The following EDNRA variants were observed in gnomAD, a reference collection of about 807,000 sequenced individuals.
EDNRA encodes the protein endothelin receptor type A, also known as endothelin-1 receptor.
A neutral mutation model predicts 41.4 loss-of-function variants in EDNRA; 11 were observed. The ratio of observed to expected loss-of-function variants is 0.27; its 90% CI spans 0.17 to 0.44. The LOEUF (loss-of-function observed/expected upper bound fraction) is 0.44. Among genes scored for constraint, EDNRA ranks in the 20% least tolerant of loss-of-function variants. EDNRA has a pLI of 1.00. For synonymous variants in EDNRA, 172 were observed against 183.0 expected, an observed-to-expected ratio of 0.94 and a Z score of 0.49; for missense variants, 294 against 531.0, an observed-to-expected ratio of 0.55 and a Z score of 4.39.
chr4:147,506,229 G>A (rs1379619522), intron 2 of EDNRA: 2 of 518,730 alleles, frequency 3.9e-6, no homozygotes, highest in African/African-American at 1.9e-5. Context: ...TCATGATATT[G>A]GCCGAAAAGC....
intron 5 of EDNRA, among the ~76,000 whole-genome samples, chr4:147,538,319 C>G (rs557201000): frequency 1.1e-4 from 16 of 152,226 alleles, no homozygotes; most frequent in Admixed American, 7.2e-4. Flanking sequence ...AGTAGCTCTT[C>G]CGGAAACCCA....
intron 1 of EDNRA, among the ~76,000 whole-genome samples, chr4:147,483,401 T>C (rs1198841688): frequency 1.3e-5 from 2 of 152,178 alleles, no homozygotes; most frequent in African/African-American, 4.8e-5. Context: ...AATGGAGATA[T>C]TGCTCCTGCC....
At chr4:147,524,177 A>T (rs1207816549) in intron 3 of EDNRA, among the ~76,000 whole-genome samples, 1 of 151,582 alleles carries the variant, frequency 6.6e-6, no homozygotes, top group Admixed American at 6.6e-5. Context: ...AAAAAGTAGT[A>T]AGCTAGGAAA....
Position 147,485,707 on chromosome 4 carries a change from C to A in EDNRA, c.26C>A (p.Ser9Tyr), listed in dbSNP as rs752256111. The change falls in exon 2 of 8, where the codon TCC (serine) becomes TAC (tyrosine). Residue 9 changes from serine (S) to tyrosine (Y), a missense_variant. Ser to Tyr is a moderately radical substitution (Grantham distance 144, BLOSUM62 -2). Coordinates refer to ENST00000651419, the MANE Select transcript of EDNRA (RefSeq NM_001957.4). METLCLRA[S>Y]FWLALVGCVI... ...ATGGAAACCCTTTGCCTCAGGGCAT[C>A]CTTTTGGCTGGCACTGGTTGGATGT... 6.2e-7 allele frequency: 1 copy of A among 1,609,680 alleles called. No homozygotes were observed. Among genetic ancestry groups the A allele is most frequent in the Non-Finnish European group, 8.5e-7 (1 of 1,177,066 alleles).
chr4:147,520,544 G>T, intron 3 of EDNRA: 1 of 480,130 alleles, frequency 2.1e-6, no homozygotes, highest in Non-Finnish European at 4.2e-6. Flanking sequence ...ATTGTTAAGC[G>T]TTCTCTAAAG....
At chr4:147,498,493 T>C (rs1729392537) in intron 2 of EDNRA, among the ~76,000 whole-genome samples, 1 of 152,186 alleles carries the variant, frequency 6.6e-6, no homozygotes, top group South Asian at 2.1e-4. Context: ...GCCCACCACC[T>C]GTTTTTGTAA....
chr4:147,503,558 A>G (rs1245362382), intron 2 of EDNRA, among the ~76,000 whole-genome samples: 1 of 152,250 alleles, frequency 6.6e-6, no homozygotes, highest in African/African-American at 2.4e-5. Context: ...GTTGCAGTCG[A>G]TTAGAAATTG....
chr4:147,534,604 T>C (rs1336806186), intron 4 of EDNRA, among the ~76,000 whole-genome samples: 1 of 152,212 alleles, frequency 6.6e-6, no homozygotes, highest in Non-Finnish European at 1.5e-5. Context: ...ATAACACTTG[T>C]ATAATCTCAA....
intron 2 of EDNRA, among the ~76,000 whole-genome samples, chr4:147,508,807 G>T (rs1445282065): frequency 1.3e-5 from 2 of 152,094 alleles, no homozygotes; most frequent in Non-Finnish European, 2.9e-5. Context: ...AGTGACCTGT[G>T]TTCTATTGTT....
chr4:147,519,442 A>G lies in EDNRA; in HGVS notation c.421-409A>G, dbSNP rs1032916423. Among the ~76,000 whole-genome samples the G allele has an allele frequency of 1.3e-5, 2 of 151,980 alleles. No homozygotes were observed. The highest frequency in any genetic ancestry group is 2.1e-4 in the South Asian group (1 of 4,828). On this transcript the variant is annotated intron_variant, in intron 2 of 7. Coordinates refer to ENST00000651419, the MANE Select transcript of EDNRA (RefSeq NM_001957.4). The surrounding 1 kb of genome is among the most constrained non-coding windows in gnomAD (Gnocchi z 4.1). ...AGTTGAGCTGTCTCCCAAAATCCCA[A>G]ACTTTTACTACTGTTTGAAAAGTAG... is the stretch of plus-strand genomic sequence containing the variant.
chr4:147,518,391 A>G (rs1422086832), intron 2 of EDNRA, among the ~76,000 whole-genome samples: 1 of 152,204 alleles, frequency 6.6e-6, no homozygotes, highest in East Asian at 1.9e-4. Flanking sequence ...TTTTGAGAAG[A>G]CACCAATCGA....
chr4:147,486,538 G>A lies in EDNRA; in HGVS notation c.420+437G>A, dbSNP rs1203234016. Reference sequence around the variant, plus strand: ...GCTGTTCAGAAGCCAGATATCTACAGTCCAGCTTGAAATGAATTGTATTTA... The same window carrying A: ...GCTGTTCAGAAGCCAGATATCTACAATCCAGCTTGAAATGAATTGTATTTA... On this transcript the variant is annotated intron_variant, in intron 2 of 7. Coordinates refer to ENST00000651419, the MANE Select transcript of EDNRA (RefSeq NM_001957.4). The surrounding 1 kb of genome is among the most constrained non-coding windows in gnomAD (Gnocchi z 4.3). Among the ~76,000 whole-genome samples, 1 of 152,214 alleles carries A rather than the reference G, an allele frequency of 6.6e-6. No individual in the cohort carries two copies. Among genetic ancestry groups the A allele is most frequent in the Admixed American group, 6.5e-5 (1 of 15,276 alleles).
chr4:147,502,222 A>G (rs1729540758), intron 2 of EDNRA, among the ~76,000 whole-genome samples: 1 of 152,214 alleles, frequency 6.6e-6, no homozygotes, highest in East Asian at 1.9e-4. Flanking sequence ...ATTTTTACCC[A>G]TAATGAAGAG....
intron 3 of EDNRA, among the ~76,000 whole-genome samples, chr4:147,528,677 A>C (rs1014378209): frequency 6.6e-6 from 1 of 152,102 alleles, no homozygotes; most frequent in African/African-American, 2.4e-5. Context: ...TAGATGATAA[A>C]CCAAATAAAT....
intron 1 of EDNRA, among the ~76,000 whole-genome samples, chr4:147,483,450 A>T (rs947795251): frequency 6.6e-6 from 1 of 152,218 alleles, no homozygotes; most frequent in Non-Finnish European, 1.5e-5. Flanking sequence ...TAACAGATAC[A>T]TATATAATAA....
intron 2 of EDNRA, chr4:147,490,753 G>A (rs1560893603): frequency 1.3e-5 from 2 of 152,256 alleles, no homozygotes; most frequent in Admixed American, 6.5e-5. Context: ...AGGGAGATGG[G>A]TTATAATTTT....
intron 3 of EDNRA, among the ~76,000 whole-genome samples, chr4:147,528,190 A>G (rs1249109889): frequency 1.3e-5 from 2 of 152,168 alleles, no homozygotes; most frequent in Non-Finnish European, 2.9e-5. Flanking sequence ...AATTAAGGTG[A>G]GGTAAGGTAC....
Position 147,539,761 on chromosome 4 carries a change from C to A in EDNRA, c.901-56C>A, listed in dbSNP as rs539688777. On this transcript the variant is annotated intron_variant, in intron 5 of 7. Coordinates refer to ENST00000651419, the MANE Select transcript of EDNRA (RefSeq NM_001957.4). ...CTACTTCTTGGTACTGTAGTTCTTG[C>A]ATCTAGTATAAAAACACTAAATTTG... The A allele has an allele frequency of 1.0e-5, 16 of 1,567,486 alleles. No homozygotes were observed. In the South Asian group the frequency reaches 1.6e-4, roughly 16 times the overall value.
At chr4:147,528,446 C>G (rs1398938673) in intron 3 of EDNRA, among the ~76,000 whole-genome samples, 2 of 151,396 alleles carry the variant, frequency 1.3e-5, no homozygotes, top group African/African-American at 2.4e-5. Context: ...CAGGCTCAAC[C>G]TCCCTGGGCT....
Sources: allele counts gnomAD v4.1 joint callset (sites outside exome capture counted in the v4.1 genomes callset), GRCh38; gene constraint gnomAD v4.1.1; non-coding constraint Gnocchi (gnomAD v3.1); transcripts MANE v1.5; gene names NCBI Gene and HGNC (gene_info 2026-07-23, HGNC 2026-07-21).